The following VTCN1 variants were observed in gnomAD, a reference collection of about 807,000 sequenced individuals.
VTCN1 encodes the protein V-set domain-containing T-cell activation inhibitor 1.
A neutral mutation model predicts 26.5 loss-of-function variants in VTCN1; 26 were observed. The ratio of observed to expected loss-of-function variants is 0.98; its 90% CI spans 0.72 to 1.36. The LOEUF (loss-of-function observed/expected upper bound fraction) is 1.36. VTCN1 is among the 40% of genes most tolerant of loss of function. The pLI is 0.00. For synonymous variants in VTCN1, 116 were observed against 130.7 expected (o/e 0.89, Z 0.77); for missense variants, 298 against 337.7 (o/e 0.88, Z 0.92).
intron 3 of VTCN1, 94 bp downstream of exon 3, chr1:117,156,480 G>A: frequency 7.7e-7 from 1 of 1,304,946 alleles, no homozygotes. Context: ...ATCATTGTCT[G>A]ATATTGGTCA....
chr1:117,173,365 A>AACACACACACAC (rs140251705), intron 1 of VTCN1: 159 of 383,704 alleles, frequency 4.1e-4, no homozygotes, highest in African/African-American at 3.0e-3. Flanking sequence ...GACACAGATG[A>AACACACACACAC]ACACACACAC....
Position 117,156,662 on chromosome 1 carries a change from G to A in VTCN1, c.357C>T (p.Asn119=), listed in dbSNP as rs202083832. 2.9e-5 allele frequency: 47 copies of A among 1,613,976 alleles called. No individual in the cohort carries two copies. Among genetic ancestry groups the A allele is most frequent in the Admixed American group, 5.0e-5 (3 of 59,988 alleles). The change falls in exon 3 of 6, where the codon AAC becomes AAT. Residue 119 remains asparagine, a synonymous_variant. Transcript: ENST00000369458. ...IVGNASLRLK[N]VQLTDAGTYK... ...AGGTGCCAGCATCTGTGAGTTGCAC[G>A]TTTTTCAGCCGCAAAGAGGCATTGC... is the stretch of plus-strand genomic sequence containing the variant.
chr1:117,150,847 T>A (rs1651750178), intron 4 of VTCN1, among the ~76,000 whole-genome samples: 1 of 152,230 alleles, frequency 6.6e-6, no homozygotes, highest in Non-Finnish European at 1.5e-5. Context: ...CTGCTTTAGA[T>A]GCTTTGTTTA....
intron 1 of VTCN1, among the ~76,000 whole-genome samples, chr1:117,171,598 C>A (rs11803346): frequency 3.1e-4 from 47 of 151,988 alleles, no homozygotes; most frequent in African/African-American, 1.1e-3. Flanking sequence ...AAATGACACC[C>A]GGGAAACTAA....
At position 117,155,731 on chromosome 1, in the gene VTCN1, C is replaced by T. The variant is rs1160053513; in HGVS notation, c.445+843G>A. Among the ~76,000 whole-genome samples the T allele has an allele frequency of 6.6e-6, 1 of 152,098 alleles. No homozygotes were observed. The highest frequency in any genetic ancestry group is 2.4e-5 in the African/African-American group (1 of 41,414). ...ATGTTATGAGGTGTGCAAGAAAGACCTGTGCATACTAGTTTAGGCTGGAAA... is the reference window on the plus strand; with the variant it reads ...ATGTTATGAGGTGTGCAAGAAAGACTTGTGCATACTAGTTTAGGCTGGAAA... On this transcript the variant is annotated intron_variant, in intron 3 of 5. Coordinates refer to ENST00000369458, the MANE Select transcript of VTCN1 (RefSeq NM_024626.4). This position sits in a 1 kb window ranked among gnomAD's most constrained non-coding sequence, Gnocchi z 4.8.
chr1:117,204,017 G>A (rs12076501), intron 1 of VTCN1, among the ~76,000 whole-genome samples: 47,997 of 152,000 alleles, frequency 0.32, 8,469 homozygotes, highest in African/African-American at 0.47. Flanking sequence ...AGGATTTCCC[G>A]CACCTCACAG....
chr1:117,180,384 T>C (rs1260003100), intron 1 of VTCN1, among the ~76,000 whole-genome samples: 1 of 152,202 alleles, frequency 6.6e-6, no homozygotes, highest in Non-Finnish European at 1.5e-5. Context: ...CAAAAGGCAA[T>C]GTAAGGTTGA....
At chr1:117,182,408 C>T (rs1007694780) in intron 1 of VTCN1, among the ~76,000 whole-genome samples, 5 of 152,156 alleles carry the variant, frequency 3.3e-5, no homozygotes, top group Non-Finnish European at 7.3e-5. Flanking sequence ...GTAGGTGTAG[C>T]TATGTAGAGC....
chr1:117,165,626 C>T (rs951544599), intron 2 of VTCN1, among the ~76,000 whole-genome samples: 4 of 152,154 alleles, frequency 2.6e-5, no homozygotes, highest in South Asian at 2.1e-4. Context: ...TTCCCCTCGC[C>T]GTCCATCATG....
chr1:117,157,999 T>C (rs1056540549), intron 2 of VTCN1, among the ~76,000 whole-genome samples: 2 of 152,238 alleles, frequency 1.3e-5, no homozygotes, highest in Admixed American at 6.5e-5. Flanking sequence ...ATCCAGGTCA[T>C]GCTGATGCAA....
At chr1:117,153,400 GC>G (rs1447468130) in intron 3 of VTCN1, 31 bp from the exon 4 acceptor site, 1 of 1,580,476 alleles carries the variant, frequency 6.3e-7, no homozygotes, top group East Asian at 2.3e-5. Context: ...AAGGGCAGAT[GC>G]CAAAGTCAGA....
chr1:117,210,840 G>A lies in VTCN1; in HGVS notation c.16C>T (p.Gln6Ter). 1.2e-6 allele frequency: 2 copies of A among 1,614,134 alleles called. No individual in the cohort carries two copies. The highest frequency in any genetic ancestry group is 1.7e-6 in the Non-Finnish European group (2 of 1,179,974). The change falls in exon 1 of 6, where the codon CAG becomes TAG. Residue 6 changes from glutamine to a stop codon, truncating the protein, a stop_gained. Transcript: ENST00000369458. LOFTEE classifies it high-confidence loss of function. MASLG[Q>*]ILFWSIISII... The stretch of plus-strand genomic sequence containing the variant: ...ATATACTACCTCCAGAAGAGGATCT[G>A]CCCCAGGGAAGCCATGGCTGGGGAA...
chr1:117,170,040 G>A (rs766460761), intron 2 of VTCN1, 67 bp downstream of exon 2: 145 of 1,433,468 alleles, frequency 1.0e-4, no homozygotes, highest in Middle Eastern at 7.4e-4. Context: ...CCATGCTAAC[G>A]CACTGAGTGA....
chr1:117,179,214 T>C (rs1441097688), intron 1 of VTCN1, among the ~76,000 whole-genome samples: 2 of 152,220 alleles, frequency 1.3e-5, no homozygotes, highest in Non-Finnish European at 2.9e-5. Context: ...TTTAGCAGCA[T>C]TCCTGGCCTG....
chr1:117,162,398 A>G (rs1892407), intron 2 of VTCN1, among the ~76,000 whole-genome samples: 152,332 of 152,334 alleles, frequency 1, 76,165 homozygotes, highest in Non-Finnish European at 1. Context: ...GGATTATGCC[A>G]TCTGGCCTCC....
At chr1:117,173,160 G>A (rs747482272) in intron 1 of VTCN1, 1 of 715,608 alleles carries the variant, frequency 1.4e-6, no homozygotes, top group Non-Finnish European at 2.6e-6. Context: ...CTCCGGACGC[G>A]CCACCTTTAA....
rs1190572829 is a variant in VTCN1, at chr1:117,206,931, T to C, written c.32+3893A>G. Among the ~76,000 whole-genome samples, 26 of 152,220 alleles carry C rather than the reference T, an allele frequency of 1.7e-4. 1 individual carries two copies. The highest frequency in any genetic ancestry group is 1.7e-3 in the Admixed American group (26 of 15,288). On this transcript the variant is annotated intron_variant, in intron 1 of 5. Coordinates refer to ENST00000369458, the MANE Select transcript of VTCN1 (RefSeq NM_024626.4). ...GCAGATTCCTGTCCTGTTCACGGGATGGACTCAGAAGGTTCTGAAGGCTCA... is the reference window on the plus strand; with the variant it reads ...GCAGATTCCTGTCCTGTTCACGGGACGGACTCAGAAGGTTCTGAAGGCTCA...
At chr1:117,187,309 CAAA>C (rs11415949) in intron 1 of VTCN1, among the ~76,000 whole-genome samples, 777 of 73,212 alleles carry the variant, frequency 0.011, 3 homozygotes, top group Non-Finnish European at 0.015. Context: ...GACCTTGTCT[CAAA>C]AAAAAAAAAA....
chr1:117,168,099 GA>G (rs1397982617), intron 2 of VTCN1, among the ~76,000 whole-genome samples: 1 of 151,990 alleles, frequency 6.6e-6, no homozygotes, highest in Non-Finnish European at 1.5e-5. Flanking sequence ...AAACAGATCA[GA>G]AACAGAAACA....
Sources: gnomAD v4.1 joint callset for allele counts (sites outside exome capture counted in the v4.1 genomes callset) on GRCh38, gnomAD v4.1.1 for gene constraint, Gnocchi (gnomAD v3.1) non-coding constraint, MANE v1.5 for transcripts, NCBI Gene and HGNC (gene_info 2026-07-23, HGNC 2026-07-21) for gene names.